PCNT: variants seen among roughly 807,000 people sequenced by gnomAD.
The protein encoded by PCNT is pericentrin, also known as kendrin.
A neutral mutation model predicts 380.4 loss-of-function variants in PCNT; 319 were observed. The ratio of observed to expected loss-of-function variants is 0.84; its 90% CI spans 0.77 to 0.92. The LOEUF (loss-of-function observed/expected upper bound fraction) is 0.92. PCNT is among the 40% of genes least tolerant of loss of function. PCNT has a pLI of 0.00. For missense variants in PCNT, 4,400 were observed against 4,255.3 expected, an observed-to-expected ratio of 1.03 and a Z score of -0.95; for synonymous variants, 1,845 against 1,735.2, an observed-to-expected ratio of 1.06 and a Z score of -1.57.
In PCNT at chr21:46,366,852, C is replaced by G. The variant is rs1159623824; in HGVS notation, c.2878C>G (p.Leu960Val). The stretch of plus-strand genomic sequence containing the variant: ...AAAACACGCTGCCGACCTCGGCGCT[C>G]TGGAGACCAGACATCTGTCCAGCCT... ...QTKHAADLGALETRHLSSLDS... is the reference protein window; with the variant it reads ...QTKHAADLGAVETRHLSSLDS... The change falls in exon 15 of 47, where the codon CTG becomes GTG. Residue 960 changes from leucine (L) to valine (V), a missense_variant. Physicochemically the swap from Leu to Val is conservative, Grantham distance 32. Transcript: ENST00000359568. 1.2e-6 allele frequency: 2 copies of G among 1,613,972 alleles called. No individual in the cohort carries two copies. Among genetic ancestry groups the G allele is most frequent in the African/African-American group, 2.7e-5 (2 of 74,948 alleles).
intron 3 of PCNT, among the ~76,000 whole-genome samples, chr21:46,336,791 A>T (rs973257729): frequency 2.0e-5 from 3 of 151,948 alleles, no homozygotes; most frequent in Admixed American, 1.3e-4. Context: ...AGCTGTATTT[A>T]TGTTCATTTG....
At chr21:46,400,666 C>A (rs892610358) in intron 25 of PCNT, among the ~76,000 whole-genome samples, 3 of 151,892 alleles carry the variant, frequency 2.0e-5, no homozygotes, top group African/African-American at 4.8e-5. Context: ...AGCACAGGCA[C>A]GCGCCACCAC....
chr21:46,432,909 C>T (rs1231378717), intron 38 of PCNT, among the ~76,000 whole-genome samples: 1 of 152,254 alleles, frequency 6.6e-6, no homozygotes, highest in East Asian at 1.9e-4. Context: ...GCGTCAGCCA[C>T]CACACTCGGC....
intron 24 of PCNT, among the ~76,000 whole-genome samples, chr21:46,399,282 TTCA>T: frequency 1.3e-5 from 1 of 79,034 alleles, no homozygotes; most frequent in Non-Finnish European, 2.6e-5. Flanking sequence ...TGGGTCTCTG[TTCA>T]GCCTGTGAGT....
In PCNT at chr21:46,388,267, G is replaced by C. The variant is rs914076727; in HGVS notation, c.3465-475G>C. ...GCACGTCCACGAGGCCTAGCGAGAG[G>C]CTGGGAGACACCATCCTCTTCCTGC... On this transcript the variant is annotated intron_variant, in intron 17 of 46. Coordinates refer to ENST00000359568, the MANE Select transcript of PCNT (RefSeq NM_006031.6). The surrounding 1 kb of genome is among the most constrained non-coding windows in gnomAD (Gnocchi z 4.2). 3.9e-5 allele frequency among the ~76,000 whole-genome samples: 6 copies of C among 152,074 alleles called. No individual in the cohort carries two copies. The East Asian group carries it at 7.7e-4, about 20-fold the overall frequency.
In PCNT at chr21:46,359,320, A is replaced by G. The variant is rs970715535; in HGVS notation, c.2154+2129A>G. ...GCCACCATTTTACCTCCTTATATCA[A>G]TTATGGGGAGAGGACTGTGGATTTC... On this transcript the variant is annotated intron_variant, in intron 13 of 46. Coordinates refer to ENST00000359568, the MANE Select transcript of PCNT (RefSeq NM_006031.6). Among the ~76,000 whole-genome samples, 5 of 144,668 alleles carry G rather than the reference A, an allele frequency of 3.5e-5. 1 individual carries two copies. The South Asian group carries it at 8.7e-4, about 25-fold the overall frequency. 94.9% of individuals were successfully genotyped at this position (144,668 alleles called of 152,430 possible).
At chr21:46,360,922 C>T (rs73373888) in intron 13 of PCNT, among the ~76,000 whole-genome samples, 3,432 of 152,234 alleles carry the variant, frequency 0.023, 125 homozygotes, top group African/African-American at 0.078. Context: ...TTTAGGTCTT[C>T]CGTTTCACTG....
In PCNT at chr21:46,430,525, G is replaced by A. The variant is rs574092034; in HGVS notation, c.7932G>A (p.Lys2644=). 2 of 1,552,736 alleles carry A rather than the reference G, an allele frequency of 1.3e-6. No individual in the cohort carries two copies. Among genetic ancestry groups the A allele is most frequent in the South Asian group, 2.4e-5 (2 of 84,194 alleles). ...CACGCAGATCCATGCTGAGCAGTAA[G>A]GAGAACGAGCTGAAGGCCGCGCTTC... ...VLQLRSMLSS[K]ENELKAALQE... The change falls in exon 37 of 47, where the codon AAG becomes AAA. Residue 2644 remains lysine, a synonymous_variant. Transcript: ENST00000359568.
intron 44 of PCNT, 191 bp downstream of exon 44, chr21:46,442,764 T>C: frequency 1.6e-6 from 1 of 640,828 alleles, no homozygotes; most frequent in Non-Finnish European, 2.8e-6. Flanking sequence ...GAGCTCATGT[T>C]AGCTATGAAC....
intron 27 of PCNT, among the ~76,000 whole-genome samples, 195 bp downstream of exon 27, chr21:46,402,678 G>A (rs999113005): frequency 9.9e-5 from 15 of 152,150 alleles, no homozygotes; most frequent in African/African-American, 2.9e-4. Flanking sequence ...TAGGGATCTT[G>A]AGTGAGGAAC....
chr21:46,431,795 GGCTT>G lies in PCNT; in HGVS notation c.8334_8337del (p.Val2780ThrfsTer14). 6.2e-7 allele frequency: 1 copy of G among 1,613,488 alleles called. No homozygotes were observed. The highest frequency in any genetic ancestry group is 8.5e-7 in the Non-Finnish European group (1 of 1,180,038). On this transcript the variant is annotated frameshift_variant, in exon 38 of 47. Coordinates refer to ENST00000359568, the MANE Select transcript of PCNT (RefSeq NM_006031.6). LOFTEE classifies it high-confidence loss of function. ...AGCAGCTGAGCCAGAGGACACAGGA[GGCTT>G]GCGTGCACCAGGACACACAGGCCCA...
Position 46,324,199 on chromosome 21 carries a change from G to T in PCNT, c.-30G>T, listed in dbSNP as rs751181976. The T allele has an allele frequency of 6.3e-6, 10 of 1,598,012 alleles. No homozygotes were observed. Among genetic ancestry groups the T allele is most frequent in the Non-Finnish European group, 7.7e-6 (9 of 1,170,502 alleles). On this transcript the variant is annotated 5_prime_UTR_variant, in exon 1 of 47. Transcript: ENST00000359568. The stretch of plus-strand genomic sequence containing the variant: ...GCTGCTCTGTGTCAGCCCCGTCACC[G>T]CCGGGCGGCCCGCGCGGAGTCTGAG...
intron 3 of PCNT, among the ~76,000 whole-genome samples, chr21:46,342,257 C>G (rs1300016873): frequency 6.6e-6 from 1 of 152,104 alleles, no homozygotes; most frequent in African/African-American, 2.4e-5. Context: ...CAGGCGTGCA[C>G]AACTGCGGCC....
At chr21:46,356,466 C>T (rs1368149163) in intron 12 of PCNT, among the ~76,000 whole-genome samples, 2 of 152,258 alleles carry the variant, frequency 1.3e-5, no homozygotes, top group Admixed American at 1.3e-4. Flanking sequence ...GTCCCTTCTG[C>T]TTTTTTCCTC....
chr21:46,375,174 C>G (rs1438105933), intron 15 of PCNT, among the ~76,000 whole-genome samples: 2 of 152,064 alleles, frequency 1.3e-5, no homozygotes, highest in Non-Finnish European at 2.9e-5. Context: ...TGCCCTGCCC[C>G]GCCTGTGCTG....
chr21:46,342,729 C>T (rs769394379), intron 3 of PCNT, among the ~76,000 whole-genome samples: 5 of 151,818 alleles, frequency 3.3e-5, no homozygotes, highest in African/African-American at 7.3e-5. Context: ...TTAGTAGAGA[C>T]GGAGTTTCAG....
chr21:46,359,491 G>GTTTTTTTTTTTTTTTTTTTT lies in PCNT; in HGVS notation c.2154+2316_2154+2317insTTTTTTTTTTTTTTTTTTTT, dbSNP rs1219693835. Among the ~76,000 whole-genome samples the GTTTTTTTTTTTTTTTTTTTT allele has an allele frequency of 3.0e-4, 20 of 66,044 alleles. 3 individuals are homozygous for GTTTTTTTTTTTTTTTTTTTT. Among genetic ancestry groups the GTTTTTTTTTTTTTTTTTTTT allele is most frequent in the Non-Finnish European group, 4.1e-4 (13 of 31,484 alleles). 43.3% of individuals were successfully genotyped at this position (66,044 alleles called of 152,430 possible). A position where few individuals can be genotyped will look rare whatever the true frequency, so the allele number is the denominator to read the frequency against. On this transcript the variant is annotated intron_variant, in intron 13 of 46. Coordinates refer to ENST00000359568, the MANE Select transcript of PCNT (RefSeq NM_006031.6). ...CCAAAAATACACCTGTTTTTTTTTT[G>GTTTTTTTTTTTTTTTTTTTT]TTTTTTTTTTTTTTTTGAGACAGTG...
intron 15 of PCNT, among the ~76,000 whole-genome samples, chr21:46,370,024 G>A (rs1054257932): frequency 1.3e-5 from 2 of 152,222 alleles, no homozygotes; most frequent in Non-Finnish European, 2.9e-5. Context: ...CAGGTGAGCA[G>A]CTCCACGTGT....
intron 15 of PCNT, among the ~76,000 whole-genome samples, chr21:46,380,301 A>G (rs1329391847): frequency 6.6e-6 from 1 of 151,534 alleles, no homozygotes; most frequent in Non-Finnish European, 1.5e-5. Context: ...AGGTGGGACT[A>G]CAGGTGCCCA....
Sources: gnomAD v4.1 joint callset for allele counts (sites outside exome capture counted in the v4.1 genomes callset) on GRCh38, gnomAD v4.1.1 for gene constraint, Gnocchi (gnomAD v3.1) non-coding constraint, MANE v1.5 for transcripts, NCBI Gene and HGNC (gene_info 2026-07-23, HGNC 2026-07-21) for gene names.